Variants in LNP1 observed in about 807,000 individuals in gnomAD.
The protein encoded by LNP1 is leukemia NUP98 fusion partner 1.
Under a neutral mutation model 14.5 loss-of-function variants are expected in LNP1, and 12 were observed. The observed-to-expected ratio is 0.83, with a 90% CI of 0.53 to 1.34. LNP1 has a LOEUF of 1.34. Among genes scored for constraint, LNP1 ranks in the 40% most tolerant of loss-of-function variants. The pLI is 0.00. For missense variants in LNP1, 198 were observed against 210.9 expected (o/e 0.94, Z 0.38); for synonymous variants, 75 against 71.4 (o/e 1.05, Z -0.26).
intron 2 of LNP1, among the ~76,000 whole-genome samples, chr3:100,443,652 C>T (rs188156274): frequency 7.9e-5 from 12 of 152,240 alleles, no homozygotes; most frequent in African/African-American, 1.9e-4. Flanking sequence ...GACAAGTTTG[C>T]GGCCAGTTTT....
chr3:100,411,802 C>A (rs1041582197), intron 1 of LNP1, among the ~76,000 whole-genome samples: 1 of 152,114 alleles, frequency 6.6e-6, no homozygotes, highest in African/African-American at 2.4e-5. Context: ...TCATCTAACC[C>A]AAATTACCTC....
intron 1 of LNP1, among the ~76,000 whole-genome samples, chr3:100,428,588 T>C (rs530935889): frequency 2.6e-5 from 4 of 151,524 alleles, no homozygotes; most frequent in East Asian, 3.9e-4. Context: ...GGCTCCATAC[T>C]TGATGCAAAG....
intron 3 of LNP1, among the ~76,000 whole-genome samples, chr3:100,453,649 C>T (rs369655625): frequency 6.6e-6 from 1 of 151,650 alleles, no homozygotes; most frequent in African/African-American, 2.4e-5. Flanking sequence ...TTCATATTGT[C>T]TCAGGCTTAG....
intron 1 of LNP1, among the ~76,000 whole-genome samples, chr3:100,429,282 G>A (rs1195555266): frequency 2.0e-5 from 3 of 152,104 alleles, no homozygotes; most frequent in Non-Finnish European, 4.4e-5. Context: ...CCTTGTATGT[G>A]GCCCCATTTC....
intron 1 of LNP1, among the ~76,000 whole-genome samples, chr3:100,409,585 CACACACAT>C (rs1464811906): frequency 1.7e-5 from 2 of 115,010 alleles, no homozygotes; most frequent in African/African-American, 9.7e-5. Flanking sequence ...CACACACACA[CACACACAT>C]ATATATATAT....
chr3:100,429,861 C>T lies in LNP1; in HGVS notation c.132C>T (p.His44=). Residue 44 remains histidine, a synonymous_variant, in exon 2 of 4, where the codon CAC becomes CAT. Coordinates refer to ENST00000383693, the MANE Select transcript of LNP1 (RefSeq NM_001085451.2). ...GCCACCGACTGCAAGCCACCAGTCA[C>T]AGGAAAACCTCCCTGCCCTGCCCAG... is the stretch of plus-strand genomic sequence containing the variant. ...RERHRLQATS[H]RKTSLPCPLP... 2.7e-5 allele frequency: 44 copies of T among 1,613,852 alleles called. No homozygotes were observed. Among genetic ancestry groups the T allele is most frequent in the Non-Finnish European group, 3.6e-5 (43 of 1,179,894 alleles).
At chr3:100,443,302 A>C (rs1238747370) in intron 2 of LNP1, among the ~76,000 whole-genome samples, 1 of 152,246 alleles carries the variant, frequency 6.6e-6, no homozygotes, top group Non-Finnish European at 1.5e-5. Context: ...AGAATCTAAC[A>C]ACAGGTGTGC....
chr3:100,429,541 C>T (rs529500239), intron 1 of LNP1, among the ~76,000 whole-genome samples, 156 bp from the exon 2 acceptor site: 1 of 152,148 alleles, frequency 6.6e-6, no homozygotes, highest in Non-Finnish European at 1.5e-5. Context: ...CCCAAGGCTG[C>T]CTGATGATGA....
At chr3:100,451,682 C>A (rs373655419) in intron 2 of LNP1, 37 bp from the exon 3 acceptor site, 3 of 769,736 alleles carry the variant, frequency 3.9e-6, no homozygotes, top group East Asian at 9.0e-5. Context: ...TTGCACAGTC[C>A]TTTTATACTG....
chr3:100,418,026 C>G (rs1707104007), intron 1 of LNP1, among the ~76,000 whole-genome samples: 1 of 146,512 alleles, frequency 6.8e-6, no homozygotes, highest in African/African-American at 2.5e-5. Context: ...GTATGTTATT[C>G]TAATTCTGTT....
intron 2 of LNP1, among the ~76,000 whole-genome samples, chr3:100,434,618 T>G (rs1707275173): frequency 6.8e-6 from 1 of 146,678 alleles, no homozygotes; most frequent in East Asian, 2.0e-4. Context: ...AACCTCTGCC[T>G]CCAGGGTTCG....
intron 3 of LNP1, among the ~76,000 whole-genome samples, chr3:100,453,449 C>T (rs1275015647): frequency 6.6e-6 from 1 of 150,916 alleles, no homozygotes. Context: ...AAATTACCAG[C>T]CATGGTGTCC....
intron 1 of LNP1, among the ~76,000 whole-genome samples, chr3:100,412,628 C>G (rs1707041155): frequency 6.6e-6 from 1 of 152,186 alleles, no homozygotes; most frequent in Non-Finnish European, 1.5e-5. Context: ...GAAGCCGTGT[C>G]TGATTTATTT....
At chr3:100,426,967 C>CT (rs1382422956) in intron 1 of LNP1, among the ~76,000 whole-genome samples, 3 of 152,014 alleles carry the variant, frequency 2.0e-5, no homozygotes, top group South Asian at 2.1e-4. Flanking sequence ...AAAAATCTCT[C>CT]TTTTTTTCAT....
At chr3:100,437,271 A>C (rs951786914) in intron 2 of LNP1, among the ~76,000 whole-genome samples, 1 of 152,206 alleles carries the variant, frequency 6.6e-6, no homozygotes, top group Admixed American at 6.5e-5. Context: ...GGGATGAGTA[A>C]GACAAGTCCT....
chr3:100,431,259 C>T (rs905107712), intron 2 of LNP1, among the ~76,000 whole-genome samples: 2 of 152,180 alleles, frequency 1.3e-5, no homozygotes, highest in African/African-American at 4.8e-5. Context: ...ATCTATGGAG[C>T]TTTTAAAACA....
intron 1 of LNP1, among the ~76,000 whole-genome samples, chr3:100,422,950 G>T (rs1446896506): frequency 6.6e-6 from 1 of 151,272 alleles, no homozygotes; most frequent in Non-Finnish European, 1.5e-5. Context: ...GGTTAAAAAA[G>T]GTGTGTCTTT....
At chr3:100,429,612 A>T (rs1185707775) in intron 1 of LNP1, 85 bp from the exon 2 acceptor site, 10 of 862,660 alleles carry the variant, frequency 1.2e-5, no homozygotes, top group Non-Finnish European at 1.8e-5. Context: ...CATTTTAAAA[A>T]GACCAGTTTC....
intron 1 of LNP1, among the ~76,000 whole-genome samples, chr3:100,419,486 A>C (rs2148901118): frequency 6.6e-6 from 1 of 152,234 alleles, no homozygotes; most frequent in East Asian, 1.9e-4. Context: ...AGCTATGCAC[A>C]CACTCATTTG....
Sources: gnomAD v4.1 joint callset for allele counts (sites outside exome capture counted in the v4.1 genomes callset) on GRCh38, gnomAD v4.1.1 for gene constraint, MANE v1.5 for transcripts, NCBI Gene and HGNC (gene_info 2026-07-23, HGNC 2026-07-21) for gene names.